Variants in DIS3 observed in about 807,000 individuals in gnomAD.
DIS3 encodes exosome complex exonuclease RRP44.
Under a neutral mutation model 113.0 loss-of-function variants are expected in DIS3, and 103 were observed. That is an observed-to-expected ratio of 0.91 (90% CI 0.78 to 1.07). The LOEUF is 1.07. Among genes scored for constraint, DIS3 ranks in the 50% least tolerant of loss-of-function variants. The pLI is 0.00. For synonymous variants in DIS3, 402 were observed against 394.3 expected, an observed-to-expected ratio of 1.02 and a Z score of -0.23; for missense variants, 1,121 against 1,167.1, an observed-to-expected ratio of 0.96 and a Z score of 0.58.
At position 72,763,410 on chromosome 13, in the gene DIS3, CA is replaced by C. The variant is rs770482173; in HGVS notation, c.2127+40del. On this transcript the variant is annotated intron_variant, in intron 16 of 20. Transcript: ENST00000377767. ...AAATTATTTAGAACAACAGGTAGATCAAAACACAAATAGATGATTTTTCAAA... is the reference window on the plus strand; with the variant it reads ...AAATTATTTAGAACAACAGGTAGATCAAACACAAATAGATGATTTTTCAAA... The C allele has an allele frequency of 5.1e-6, 8 of 1,558,296 alleles. 1 individual carries two copies. In the South Asian group the frequency reaches 9.7e-5, roughly 19 times the overall value.
chr13:72,775,780 CAA>C (rs34507729), intron 5 of DIS3, 143 bp downstream of exon 5: 421 of 568,940 alleles, frequency 7.4e-4, no homozygotes, highest in South Asian at 1.7e-3. Flanking sequence ...GTGAGCACTG[CAA>C]AAAAAAAAAG....
At chr13:72,762,197 G>T in intron 16 of DIS3, 60 bp from the exon 17 acceptor site, 1 of 1,382,360 alleles carries the variant, frequency 7.2e-7, no homozygotes, top group Non-Finnish European at 1.0e-6. Context: ...GTACCATTAT[G>T]TCTTCAAAAT....
intron 2 of DIS3, among the ~76,000 whole-genome samples, chr13:72,779,349 C>A (rs969711749): frequency 6.6e-6 from 1 of 152,042 alleles, no homozygotes; most frequent in Admixed American, 6.6e-5. Context: ...AACTCCTGGC[C>A]TCAAGTGATC....
intron 2 of DIS3, among the ~76,000 whole-genome samples, chr13:72,779,915 T>C (rs1417934622): frequency 1.3e-5 from 2 of 152,152 alleles, no homozygotes; most frequent in Non-Finnish European, 2.9e-5. Context: ...CCTGATCTAA[T>C]CCAATAAAAG....
At chr13:72,781,308 G>C (rs894816109) in intron 1 of DIS3, 1 of 1,551,108 alleles carries the variant, frequency 6.4e-7, no homozygotes, top group South Asian at 1.2e-5. Flanking sequence ...GGGAGTCGCA[G>C]GCTGGAGGCC....
intron 4 of DIS3, among the ~76,000 whole-genome samples, chr13:72,777,017 T>G (rs1345597783): frequency 6.6e-6 from 1 of 152,202 alleles, no homozygotes; most frequent in African/African-American, 2.4e-5. Context: ...ATAAATCAAT[T>G]GAAAAATTAC....
In DIS3 at chr13:72,754,892, T is replaced by C; in HGVS notation, c.*4903A>G. ...CACCACACCCAGCTTTTTAAAATTT[T>C]TGGTAGAGACAGGGTCTCACTATGT... On this transcript the variant is annotated 3_prime_UTR_variant, in exon 21 of 21. Coordinates refer to ENST00000377767, the MANE Select transcript of DIS3 (RefSeq NM_014953.5). The C allele has an allele frequency of 3.0e-6, 1 of 332,186 alleles. No individual in the cohort carries two copies. The highest frequency in any genetic ancestry group is 4.2e-5 in the South Asian group (1 of 23,788). The allele number at this position is 332,186 out of a possible 1,614,324, so 20.6% of individuals were successfully genotyped here. A position where few individuals can be genotyped will look rare whatever the true frequency, so the allele number is the denominator to read the frequency against.
intron 2 of DIS3, among the ~76,000 whole-genome samples, chr13:72,779,342 T>C (rs1375300407): frequency 6.6e-6 from 1 of 152,128 alleles, no homozygotes; most frequent in African/African-American, 2.4e-5. Context: ...GGTCTGGAAC[T>C]CCTGGCCTCA....
Position 72,777,480 on chromosome 13 carries a change from T to C in DIS3, c.594A>G (p.Val198=). 6.2e-7 allele frequency: 1 copy of C among 1,614,062 alleles called. No homozygotes were observed. Among genetic ancestry groups the C allele is most frequent in the Non-Finnish European group, 8.5e-7 (1 of 1,179,946 alleles). ...GIPAFTCEEY[V]KSLTANPELI... ...GTTCGGGGTTAGCAGTTAGGCTCTT[T>C]ACATATTCTTCACCTGAAAAAATAA... The change falls in exon 4 of 21, where the codon GTA becomes GTG. Residue 198 remains valine (V), a synonymous_variant. Coordinates refer to ENST00000377767, the MANE Select transcript of DIS3 (RefSeq NM_014953.5).
Position 72,777,499 on chromosome 13 carries a change from A to C in DIS3, c.581-6T>G, listed in dbSNP as rs1469801632. The C allele has an allele frequency of 1.9e-6, 3 of 1,613,450 alleles. No individual in the cohort carries two copies. Among genetic ancestry groups the C allele is most frequent in the Non-Finnish European group, 2.5e-6 (3 of 1,179,598 alleles). ...GCTCTTTACATATTCTTCACCTGAA[A>C]AAATAAGTTTATGTTGTTTTTGATA... On this transcript the variant is annotated splice_polypyrimidine_tract_variant and splice_region_variant and intron_variant, in intron 3 of 20. Coordinates refer to ENST00000377767, the MANE Select transcript of DIS3 (RefSeq NM_014953.5).
At chr13:72,779,995 A>T (rs1482178729) in intron 2 of DIS3, among the ~76,000 whole-genome samples, 1 of 152,218 alleles carries the variant, frequency 6.6e-6, no homozygotes, top group East Asian at 1.9e-4. Context: ...GAGACCACAC[A>T]CTGAGTTCAA....
intron 6 of DIS3, among the ~76,000 whole-genome samples, chr13:72,774,827 T>C (rs771641311): frequency 6.6e-6 from 1 of 152,184 alleles, no homozygotes; most frequent in Non-Finnish European, 1.5e-5. Flanking sequence ...TTACGTCTAT[T>C]ATGTTAAGGG....
At chr13:72,772,004 C>T in intron 10 of DIS3, 108 bp from the exon 11 acceptor site, 2 of 1,327,174 alleles carry the variant, frequency 1.5e-6, no homozygotes, top group South Asian at 1.3e-5. Context: ...GACTCAGTCA[C>T]CTCTACCATT....
At position 72,760,666 on chromosome 13, in the gene DIS3, T is replaced by C. The variant is rs769742236; in HGVS notation, c.2671-15A>G. On this transcript the variant is annotated splice_polypyrimidine_tract_variant and intron_variant, in intron 19 of 20. Transcript: ENST00000377767. The stretch of plus-strand genomic sequence containing the variant: ...AGTGAGGGTATCTAAACAAAACACA[T>C]TTTATCATTCTTAATTGCTTCCTTA... 1.2e-6 allele frequency: 2 copies of C among 1,609,356 alleles called. No homozygotes were observed. The highest frequency in any genetic ancestry group is 1.7e-5 in the Admixed American group (1 of 59,216).
chr13:72,775,396 C>G (rs1213123010), intron 5 of DIS3, 21 bp from the exon 6 acceptor site: 1 of 1,561,626 alleles, frequency 6.4e-7, no homozygotes, highest in Admixed American at 2.0e-5. Flanking sequence ...CAACAGAGGG[C>G]ACGTGCCCAA....
Position 72,760,570 on chromosome 13 carries a change from G to C in DIS3, c.2752C>G (p.Leu918Val). 1 of 1,613,604 alleles carries C rather than the reference G, an allele frequency of 6.2e-7. No homozygotes were observed. Among genetic ancestry groups the C allele is most frequent in the Non-Finnish European group, 8.5e-7 (1 of 1,179,680 alleles). Residue 918 changes from leucine (L) to valine (V), a missense_variant, in exon 20 of 21, where the codon CTT becomes GTT. Physicochemically the swap from Leu to Val is conservative, Grantham distance 32. Coordinates refer to ENST00000377767, the MANE Select transcript of DIS3 (RefSeq NM_014953.5). ...KVKIMLDSSN[L>V]QHQKIRMSLV... ...GACATTCGGATCTTCTGATGTTGAA[G>C]ATTAGATGAGTCTAACATGATTTTC...
chr13:72,760,494 C>T, intron 20 of DIS3, 35 bp downstream of exon 20: 1 of 1,612,408 alleles, frequency 6.2e-7, no homozygotes, highest in Non-Finnish European at 8.5e-7. Context: ...ACTGTTTGTT[C>T]CATCACAACA....
In DIS3 at chr13:72,755,020, C is replaced by T. The variant is rs1289720485; in HGVS notation, c.*4775G>A. ...ATGCAGAATATTGATTTATAAAATA[C>T]TGTATCTTTACTGTCCCTTCAGAGT... On this transcript the variant is annotated 3_prime_UTR_variant, in exon 21 of 21. Transcript: ENST00000377767. The T allele has an allele frequency of 7.5e-6, 5 of 667,882 alleles. No homozygotes were observed. In the East Asian group the frequency reaches 1.4e-4, roughly 18 times the overall value. The allele number at this position is 667,882 out of a possible 1,614,324, so 41.4% of individuals were successfully genotyped here.
intron 13 of DIS3, 37 bp from the exon 14 acceptor site, chr13:72,768,949 A>G (rs1475057815): frequency 7.0e-7 from 1 of 1,438,490 alleles, no homozygotes. Context: ...ATTCTTATAA[A>G]TGATAGAAAA....
Sources: gnomAD v4.1 joint callset for allele counts (sites outside exome capture counted in the v4.1 genomes callset) on GRCh38, gnomAD v4.1.1 for gene constraint, MANE v1.5 for transcripts, NCBI Gene and HGNC (gene_info 2026-07-23, HGNC 2026-07-21) for gene names.